ZC2HC1B: variants seen among roughly 807,000 people sequenced by gnomAD.
ZC2HC1B encodes the protein zinc finger C2HC-type containing 1B, also known as zinc finger C2HC domain-containing protein 1B.
A neutral mutation model predicts 31.0 loss-of-function variants in ZC2HC1B; 36 were observed. That is an observed-to-expected ratio of 1.16 (90% CI 0.89 to 1.54). ZC2HC1B has a LOEUF of 1.54. Ranked by LOEUF, ZC2HC1B falls within the 40% of genes most tolerant of loss-of-function variation. The pLI is 0.00. For synonymous variants in ZC2HC1B, 73 were observed against 88.0 expected, an observed-to-expected ratio of 0.83 and a Z score of 0.95; for missense variants, 260 against 268.6, an observed-to-expected ratio of 0.97 and a Z score of 0.22.
At chr6:143,929,012 A>G (rs1306866128) in intron 6 of ZC2HC1B, among the ~76,000 whole-genome samples, 4 of 152,054 alleles carry the variant, frequency 2.6e-5, no homozygotes, top group Non-Finnish European at 5.9e-5. Flanking sequence ...GGTTTTCTAG[A>G]TATAAGATCA....
intron 5 of ZC2HC1B, 56 bp downstream of exon 5, chr6:143,898,747 C>G: frequency 6.5e-7 from 1 of 1,542,104 alleles, no homozygotes; most frequent in African/African-American, 1.4e-5. Context: ...TAGGGGTGAG[C>G]CGGTAGAACT....
At position 143,924,153 on chromosome 6, in the gene ZC2HC1B, G is replaced by A. The variant is rs142288095; in HGVS notation, c.599-13496G>A. On this transcript the variant is annotated intron_variant, in intron 6 of 7. Transcript: ENST00000237275. The surrounding 1 kb of genome is among the most constrained non-coding windows in gnomAD (Gnocchi z 5.2). ...GTGTTTTGAAGTTTTCCTCGTAAGC[G>A]TCTTTCACTTTCTTGGTTTAATTTA... Among the ~76,000 whole-genome samples the A allele has an allele frequency of 3.1e-4, 47 of 151,850 alleles. 1 individual carries two copies. The highest frequency in any genetic ancestry group is 3.1e-3 in the East Asian group (16 of 5,188).
intron 5 of ZC2HC1B, among the ~76,000 whole-genome samples, chr6:143,901,549 C>T (rs574374365): frequency 2.6e-5 from 4 of 152,138 alleles, no homozygotes; most frequent in Middle Eastern, 3.4e-3. Flanking sequence ...CATGAGACCC[C>T]GTGCCCGGCC....
At position 143,927,835 on chromosome 6, in the gene ZC2HC1B, A is replaced by G. The variant is rs181247799; in HGVS notation, c.599-9814A>G. On this transcript the variant is annotated intron_variant, in intron 6 of 7. Transcript: ENST00000237275. ...TGACTTTTTAACAGTAGCCATTCTG[A>G]CTGGTATAAGATGGCACCTCATGGT... 6.8e-4 allele frequency among the ~76,000 whole-genome samples: 104 copies of G among 152,256 alleles called. 3 individuals are homozygous for G. The East Asian group carries it at 0.018, about 27-fold the overall frequency.
intron 6 of ZC2HC1B, among the ~76,000 whole-genome samples, chr6:143,935,420 C>T (rs1242566267): frequency 6.6e-6 from 1 of 151,912 alleles, no homozygotes; most frequent in Non-Finnish European, 1.5e-5. Flanking sequence ...AGTCAGTGTC[C>T]ATTGGTGCCA....
At chr6:143,910,430 A>T (rs1018071270) in intron 6 of ZC2HC1B, among the ~76,000 whole-genome samples, 1 of 152,220 alleles carries the variant, frequency 6.6e-6, no homozygotes, top group Non-Finnish European at 1.5e-5. Flanking sequence ...AATGAGAAGA[A>T]TGTATATTCT....
chr6:143,931,439 T>C (rs1311876750), intron 6 of ZC2HC1B, among the ~76,000 whole-genome samples: 1 of 152,210 alleles, frequency 6.6e-6, no homozygotes, highest in Admixed American at 6.5e-5. Flanking sequence ...GTGAGATTTA[T>C]GCTTTAAAGA....
chr6:143,881,498 C>T (rs73588608), intron 1 of ZC2HC1B, among the ~76,000 whole-genome samples: 2,194 of 145,704 alleles, frequency 0.015, 55 homozygotes, highest in African/African-American at 0.053. Flanking sequence ...CTGTAATGAG[C>T]CGTGATCATC....
chr6:143,877,529 C>T lies in ZC2HC1B; in HGVS notation c.29-6775C>T, dbSNP rs982005367. Reference sequence around the variant, plus strand: ...AACTACCAACCTCGGGTGATCCGCCCGCCTCTGCCTCCCAAAGTGCTGGGA... The same window carrying T: ...AACTACCAACCTCGGGTGATCCGCCTGCCTCTGCCTCCCAAAGTGCTGGGA... On this transcript the variant is annotated intron_variant, in intron 1 of 7. Transcript: ENST00000237275. Among the ~76,000 whole-genome samples the T allele has an allele frequency of 6.7e-5, 10 of 149,976 alleles. 1 individual carries two copies. In the East Asian group the frequency reaches 9.6e-4, roughly 14 times the overall value.
In ZC2HC1B at chr6:143,868,528, C is replaced by T. The variant is rs1332223035; in HGVS notation, c.28+3961C>T. Among the ~76,000 whole-genome samples, 1 of 152,078 alleles carries T rather than the reference C, an allele frequency of 6.6e-6. No homozygotes were observed. The highest frequency in any genetic ancestry group is 1.5e-5 in the Non-Finnish European group (1 of 68,010). On this transcript the variant is annotated intron_variant, in intron 1 of 7. Transcript: ENST00000237275. This position sits in a 1 kb window ranked among gnomAD's most constrained non-coding sequence, Gnocchi z 4.2. ...TGGCAGGTGACTAGGTGGTGCCCAC[C>T]CAGATTAAGGATGAGTCTGCCTTCC...
chr6:143,912,344 T>G (rs996539709), intron 6 of ZC2HC1B, among the ~76,000 whole-genome samples: 4 of 152,268 alleles, frequency 2.6e-5, no homozygotes, highest in Non-Finnish European at 5.9e-5. Flanking sequence ...AAAGGGGCAC[T>G]CTGGCTTTTT....
At position 143,884,199 on chromosome 6, in the gene ZC2HC1B, A is replaced by T; in HGVS notation, c.29-105A>T. 1.0e-6 allele frequency: 1 copy of T among 989,288 alleles called. No homozygotes were observed. The highest frequency in any genetic ancestry group is 1.5e-6 in the Non-Finnish European group (1 of 687,462). The allele number at this position is 989,288 out of a possible 1,614,324, so 61.3% of individuals were successfully genotyped here. A position where few individuals can be genotyped will look rare whatever the true frequency, so the allele number is the denominator to read the frequency against. On this transcript the variant is annotated intron_variant, in intron 1 of 7. Transcript: ENST00000237275. This position sits in a 1 kb window ranked among gnomAD's most constrained non-coding sequence, Gnocchi z 5.1. ...AAGAAGCAGTTGGTGGGGAGGGAAAAGAGAGTGAGGATATCAAGCTATTGA... is the reference window on the plus strand; with the variant it reads ...AAGAAGCAGTTGGTGGGGAGGGAAATGAGAGTGAGGATATCAAGCTATTGA...
In ZC2HC1B at chr6:143,902,803, G is replaced by A. The variant is rs74833170; in HGVS notation, c.490-241G>A. On this transcript the variant is annotated intron_variant, in intron 5 of 7. Transcript: ENST00000237275. ...AAATATACCACCACCAACCCCAAGG[G>A]CTTAATTATGGAAGGGAAGCTTCAA... Among the ~76,000 whole-genome samples, 3 of 152,046 alleles carry A rather than the reference G, an allele frequency of 2.0e-5. No individual in the cohort carries two copies. The East Asian group carries it at 5.8e-4, about 29-fold the overall frequency.
At chr6:143,906,020 G>A (rs987400072) in intron 6 of ZC2HC1B, among the ~76,000 whole-genome samples, 3 of 152,110 alleles carry the variant, frequency 2.0e-5, no homozygotes, top group South Asian at 4.1e-4. Flanking sequence ...TAGCATCTTT[G>A]AAGTCAGGGT....
chr6:143,876,901 GA>G (rs1345060810), intron 1 of ZC2HC1B, among the ~76,000 whole-genome samples: 1 of 150,256 alleles, frequency 6.7e-6, no homozygotes, highest in East Asian at 1.9e-4. Context: ...CACTGAGATT[GA>G]GGGTGGGTCT....
At position 143,865,942 on chromosome 6, in the gene ZC2HC1B, A is replaced by T. The variant is rs988853305; in HGVS notation, c.28+1375A>T. 2.0e-5 allele frequency among the ~76,000 whole-genome samples: 3 copies of T among 152,174 alleles called. No individual in the cohort carries two copies. Among genetic ancestry groups the T allele is most frequent in the Admixed American group, 6.5e-5 (1 of 15,276 alleles). On this transcript the variant is annotated intron_variant, in intron 1 of 7. Transcript: ENST00000237275. This position sits in a 1 kb window ranked among gnomAD's most constrained non-coding sequence, Gnocchi z 4.4. ...GCGATTCCCCTGCCTCAGCCTCCCG[A>T]GTAGCTGGGATTACAGGTGTGCACC...
chr6:143,867,321 C>CT (rs1428333772), intron 1 of ZC2HC1B, among the ~76,000 whole-genome samples: 1 of 152,174 alleles, frequency 6.6e-6, no homozygotes, highest in African/African-American at 2.4e-5. Context: ...ACAAACTTAG[C>CT]TTTTTGAGGT....
In ZC2HC1B at chr6:143,922,296, C is replaced by T. The variant is rs1026601252; in HGVS notation, c.599-15353C>T. Among the ~76,000 whole-genome samples the T allele has an allele frequency of 1.3e-5, 2 of 152,146 alleles. No individual in the cohort carries two copies. The highest frequency in any genetic ancestry group is 4.8e-5 in the African/African-American group (2 of 41,430). On this transcript the variant is annotated intron_variant, in intron 6 of 7. Transcript: ENST00000237275. This position sits in a 1 kb window ranked among gnomAD's most constrained non-coding sequence, Gnocchi z 5.0. ...AGGGTATTTAAGATATCTATGACCT[C>T]AAACATTTATTATTTATTTGACTTG...
Position 143,925,410 on chromosome 6 carries a change from C to T in ZC2HC1B, c.599-12239C>T, listed in dbSNP as rs546886824. 4.8e-3 allele frequency among the ~76,000 whole-genome samples: 732 copies of T among 151,846 alleles called. 5 individuals are homozygous for T. The highest frequency in any genetic ancestry group is 0.017 in the African/African-American group (699 of 41,418). On this transcript the variant is annotated intron_variant, in intron 6 of 7. Transcript: ENST00000237275. ...CAGGATGGTCTCGATCTCCTGACTT[C>T]GTGATCCGCCTGCCTACGGCCTCCC...
Sources: gnomAD v4.1 joint callset for allele counts (sites outside exome capture counted in the v4.1 genomes callset) on GRCh38, gnomAD v4.1.1 for gene constraint, Gnocchi (gnomAD v3.1) non-coding constraint, MANE v1.5 for transcripts, NCBI Gene and HGNC (gene_info 2026-07-23, HGNC 2026-07-21) for gene names.